The following NEUROD4 variants were observed in gnomAD, a reference collection of about 807,000 sequenced individuals.
NEUROD4 encodes neuronal differentiation 4.
NEUROD4 carries 16 observed loss-of-function variants against 19.8 expected under a neutral mutation model. That is an observed-to-expected ratio of 0.81 (90% CI 0.55 to 1.23). The LOEUF is 1.23. Ranked by LOEUF, NEUROD4 falls within the 50% of genes most tolerant of loss-of-function variation. NEUROD4 has a pLI of 0.00. For synonymous variants in NEUROD4, 153 were observed against 147.9 expected (o/e 1.03, Z -0.25); for missense variants, 439 against 398.6 (o/e 1.10, Z -0.86).
At position 55,026,997 on chromosome 12, in the gene NEUROD4, C is replaced by G; in HGVS notation, c.558C>G (p.His186Gln). The change falls in exon 2 of 2, where the codon CAC (histidine) becomes CAG (glutamine). Residue 186 changes from histidine (H) to glutamine (Q), a missense_variant. His to Gln is a conservative substitution (Grantham distance 24, BLOSUM62 0). Transcript: ENST00000242994. ...LGPQSVLLEK[H>Q]EDKSPICDSA... ...CTCAGTCTGTCCTCCTGGAGAAGCA[C>G]GAGGATAAATCTCCTATTTGTGACT... 1 of 1,614,054 alleles carries G rather than the reference C, an allele frequency of 6.2e-7. No individual in the cohort carries two copies. Among genetic ancestry groups the G allele is most frequent in the Non-Finnish European group, 8.5e-7 (1 of 1,179,968 alleles).
Position 55,026,884 on chromosome 12 carries a change from C to G in NEUROD4, c.445C>G (p.Pro149Ala). 1 of 1,614,120 alleles carries G rather than the reference C, an allele frequency of 6.2e-7. No individual in the cohort carries two copies. Among genetic ancestry groups the G allele is most frequent in the African/African-American group, 1.3e-5 (1 of 75,012 alleles). ...LSEVLETGQT[P>A]EGKGFVEMLC... is the part of the protein sequence containing the mutation. ...TGAAGTCCTGGAGACTGGCCAGACACCTGAAGGGAAAGGCTTTGTGGAGAT... is the reference window on the plus strand; with the variant it reads ...TGAAGTCCTGGAGACTGGCCAGACAGCTGAAGGGAAAGGCTTTGTGGAGAT... The change falls in exon 2 of 2, where the codon CCT becomes GCT. Residue 149 changes from proline to alanine, a missense_variant. Transcript: ENST00000242994.
At position 55,026,830 on chromosome 12, in the gene NEUROD4, C is replaced by T. The variant is rs1198409504; in HGVS notation, c.391C>T (p.Leu131=). ...ACTTTCCAAGATAGAGACTCTTAGA[C>T]TGGCCAGGAACTATATTTGGGCTTT... ...QKLSKIETLR[L]ARNYIWALSE... is the part of the protein sequence containing the mutation. The change falls in exon 2 of 2, where the codon CTG becomes TTG. Residue 131 remains leucine, a synonymous_variant. Transcript: ENST00000242994. 14 of 1,614,028 alleles carry T rather than the reference C, an allele frequency of 8.7e-6. No homozygotes were observed. The highest frequency in any genetic ancestry group is 1.2e-5 in the Non-Finnish European group (14 of 1,180,022).
chr12:55,028,843 T>TA lies in NEUROD4; in HGVS notation c.*1410dup, dbSNP rs1177579159. On this transcript the variant is annotated 3_prime_UTR_variant, in exon 2 of 2. Coordinates refer to ENST00000242994, the MANE Select transcript of NEUROD4 (RefSeq NM_021191.3). ...TGCAGAGTGTTTATTTTTCTTTATG[T>TA]AACTCCTTTTTCCTTTATATCAATG... is the stretch of plus-strand genomic sequence containing the variant. 1.2e-5 allele frequency: 2 copies of TA among 167,078 alleles called. No individual in the cohort carries two copies. The highest frequency in any genetic ancestry group is 4.8e-5 in the African/African-American group (2 of 41,458). 10.3% of individuals were successfully genotyped at this position (167,078 alleles called of 1,614,324 possible). A position where few individuals can be genotyped will look rare whatever the true frequency, so the allele number is the denominator to read the frequency against.
At chr12:55,024,513 A>C (rs1255839905) in intron 1 of NEUROD4, among the ~76,000 whole-genome samples, 3 of 152,170 alleles carry the variant, frequency 2.0e-5, no homozygotes, top group Admixed American at 1.3e-4. Flanking sequence ...ATGTTATTAT[A>C]ATTACATGGG....
In NEUROD4 at chr12:55,028,585, A is replaced by C. The variant is rs1354818693; in HGVS notation, c.*1150A>C. Reference sequence around the variant, plus strand: ...CTGTCCACACCAATATATTTTCCAGAAGCACAAGCACCAATCAATTTATTG... The same window carrying C: ...CTGTCCACACCAATATATTTTCCAGCAGCACAAGCACCAATCAATTTATTG... On this transcript the variant is annotated 3_prime_UTR_variant, in exon 2 of 2. Transcript: ENST00000242994. The C allele has an allele frequency of 1.2e-5, 2 of 167,060 alleles. No homozygotes were observed. Among genetic ancestry groups the C allele is most frequent in the Admixed American group, 6.5e-5 (1 of 15,270 alleles). The allele number at this position is 167,060 out of a possible 1,614,324, so 10.3% of individuals were successfully genotyped here. A position where few individuals can be genotyped will look rare whatever the true frequency, so the allele number is the denominator to read the frequency against.
chr12:55,026,254 A>G (rs1295665147), intron 1 of NEUROD4, among the ~76,000 whole-genome samples, 177 bp from the exon 2 acceptor site: 3 of 152,200 alleles, frequency 2.0e-5, no homozygotes, highest in Admixed American at 6.5e-5. Context: ...TTCTTTTTCT[A>G]TAATATATTT....
In NEUROD4 at chr12:55,028,573, TATATTTTCCAGA is replaced by T. The variant is rs1952759263; in HGVS notation, c.*1140_*1151del. On this transcript the variant is annotated 3_prime_UTR_variant, in exon 2 of 2. Transcript: ENST00000242994. Reference sequence around the variant, plus strand: ...AACCATCCACCTCTGTCCACACCAATATATTTTCCAGAAGCACAAGCACCAATCAATTTATTG... The same window carrying T: ...AACCATCCACCTCTGTCCACACCAATAGCACAAGCACCAATCAATTTATTG... 1 of 167,016 alleles carries T rather than the reference TATATTTTCCAGA, an allele frequency of 6.0e-6. No homozygotes were observed. The highest frequency in any genetic ancestry group is 1.5e-5 in the Non-Finnish European group (1 of 68,104). The allele number at this position is 167,016 out of a possible 1,614,324, so 10.3% of individuals were successfully genotyped here. A position where few individuals can be genotyped will look rare whatever the true frequency, so the allele number is the denominator to read the frequency against.
rs766281745 is a variant in NEUROD4 at position 55,026,501 on chromosome 12, T to C, written c.62T>C (p.Met21Thr). The C allele has an allele frequency of 1.9e-6, 3 of 1,613,740 alleles. No individual in the cohort carries two copies. Among genetic ancestry groups the C allele is most frequent in the African/African-American group, 1.3e-5 (1 of 74,858 alleles). Residue 21 changes from methionine (M) to threonine (T), a missense_variant, in exon 2 of 2, where the codon ATG (methionine) becomes ACG (threonine). Coordinates refer to ENST00000242994, the MANE Select transcript of NEUROD4 (RefSeq NM_021191.3). ...GAGCTAGTCAACACACCATCCTGGA[T>C]GGATAAAGGTCTGGGCTCCCAAAAT... ...MGELVNTPSWMDKGLGSQNEV... is the reference protein window; with the variant it reads ...MGELVNTPSWTDKGLGSQNEV...
rs868177106 is a variant in NEUROD4, at chr12:55,029,106, C to T, written c.*1671C>T. ...ATGTCATTTTCTATAGCTCAGCTAT[C>T]CCCTAAAATCTGCCAACTATATGTG... On this transcript the variant is annotated 3_prime_UTR_variant, in exon 2 of 2. Transcript: ENST00000242994. 9.6e-5 allele frequency: 16 copies of T among 167,018 alleles called. No individual in the cohort carries two copies. The highest frequency in any genetic ancestry group is 1.6e-4 in the Non-Finnish European group (11 of 68,098). The allele number at this position is 167,018 out of a possible 1,614,324, so 10.3% of individuals were successfully genotyped here. A position where few individuals can be genotyped will look rare whatever the true frequency, so the allele number is the denominator to read the frequency against.
intron 1 of NEUROD4, among the ~76,000 whole-genome samples, chr12:55,024,527 C>T (rs1952704573): frequency 2.6e-5 from 4 of 152,128 alleles, no homozygotes; most frequent in African/African-American, 7.2e-5. Flanking sequence ...ACATGGGGAG[C>T]ATTAGGTTTC....
rs1327378941 is a variant in NEUROD4, at chr12:55,025,104, G to A, written c.-9-1327G>A. ...TGGTAAACTGGGATGCCCCAATGGA[G>A]CTTATCAGATACTTTTATTTGGTAA... On this transcript the variant is annotated intron_variant, in intron 1 of 1. Transcript: ENST00000242994. Among the ~76,000 whole-genome samples, 4 of 152,182 alleles carry A rather than the reference G, an allele frequency of 2.6e-5. No homozygotes were observed. In the South Asian group the frequency reaches 8.3e-4, roughly 31 times the overall value.
intron 1 of NEUROD4, among the ~76,000 whole-genome samples, chr12:55,024,928 C>G (rs117437490): frequency 6.6e-6 from 1 of 152,192 alleles, no homozygotes; most frequent in Non-Finnish European, 1.5e-5. Flanking sequence ...AGAAACAAAT[C>G]AAATAATATA....
rs1952761656 is a variant in NEUROD4, at chr12:55,028,728, C to T, written c.*1293C>T. The T allele has an allele frequency of 6.0e-6, 1 of 167,080 alleles. No homozygotes were observed. Among genetic ancestry groups the T allele is most frequent in the Non-Finnish European group, 1.5e-5 (1 of 68,114 alleles). The allele number at this position is 167,080 out of a possible 1,614,324, so 10.3% of individuals were successfully genotyped here. ...TTATTATATATTGTAAATAACATTT[C>T]AGGTGACCAAACTTAAGGATGCAGA... On this transcript the variant is annotated 3_prime_UTR_variant, in exon 2 of 2. Transcript: ENST00000242994.
rs754508088 is a variant in NEUROD4 at position 55,027,298 on chromosome 12, AG to A, written c.860del (p.Ser287IlefsTer2). 4.3e-6 allele frequency: 7 copies of A among 1,614,096 alleles called. No homozygotes were observed. In the Admixed American group the frequency reaches 6.7e-5, roughly 15 times the overall value. On this transcript the variant is annotated frameshift_variant, in exon 2 of 2. Coordinates refer to ENST00000242994, the MANE Select transcript of NEUROD4 (RefSeq NM_021191.3). LOFTEE classifies it high-confidence loss of function. ...YSFMPHYPSS[S>X]LSSGHVHSTP... ...CTTCATGCCACATTACCCTTCTTCA[AG>A]TCTAAGCTCAGGGCATGTGCATTCA...
intron 1 of NEUROD4, among the ~76,000 whole-genome samples, chr12:55,025,254 A>G (rs768203352): frequency 6.6e-6 from 1 of 152,242 alleles, no homozygotes; most frequent in Non-Finnish European, 1.5e-5. Flanking sequence ...TGCATACAAA[A>G]TTCTGATTAA....
At chr12:55,021,197 T>C (rs1018345709) in intron 1 of NEUROD4, among the ~76,000 whole-genome samples, 14 of 152,170 alleles carry the variant, frequency 9.2e-5, no homozygotes, top group African/African-American at 3.1e-4. Flanking sequence ...TGTGCACATA[T>C]ATTAATAAAG....
chr12:55,021,629 C>T (rs1423170006), intron 1 of NEUROD4, among the ~76,000 whole-genome samples: 2 of 152,168 alleles, frequency 1.3e-5, no homozygotes, highest in Non-Finnish European at 2.9e-5. Flanking sequence ...TCAGTAGTAA[C>T]AATCATTGCC....
Position 55,026,529 on chromosome 12 carries a change from G to C in NEUROD4, c.90G>C (p.Glu30Asp), listed in dbSNP as rs1386298306. ...WMDKGLGSQNEVKEEESRPGT... is the reference protein window; with the variant it reads ...WMDKGLGSQNDVKEEESRPGT... ...ATAAAGGTCTGGGCTCCCAAAATGA[G>C]GTGAAGGAGGAAGAGAGCAGACCAG... The change falls in exon 2 of 2, where the codon GAG (glutamate) becomes GAC (aspartate). Residue 30 changes from glutamate to aspartate, a missense_variant. Transcript: ENST00000242994. 3 of 1,614,042 alleles carry C rather than the reference G, an allele frequency of 1.9e-6. No individual in the cohort carries two copies. The highest frequency in any genetic ancestry group is 2.5e-6 in the Non-Finnish European group (3 of 1,179,962).
In NEUROD4 at chr12:55,027,183, T is replaced by G; in HGVS notation, c.744T>G (p.Pro248=). 6.2e-7 allele frequency: 1 copy of G among 1,614,052 alleles called. No homozygotes were observed. Among genetic ancestry groups the G allele is most frequent in the South Asian group, 1.1e-5 (1 of 91,082 alleles). The change falls in exon 2 of 2, where the codon CCT becomes CCG. Residue 248 remains proline (P), a synonymous_variant. Transcript: ENST00000242994. ...GSHLPDCSTP[P]YEGPLTPPLS... ...ATCTGCCTGACTGCAGTACACCCCC[T>G]TATGAGGGCCCACTCACTCCACCCC...
Sources: gnomAD v4.1 joint callset for allele counts (sites outside exome capture counted in the v4.1 genomes callset) on GRCh38, gnomAD v4.1.1 for gene constraint, MANE v1.5 for transcripts, NCBI Gene and HGNC (gene_info 2026-07-23, HGNC 2026-07-21) for gene names.